The following MACROD2 variants were observed in gnomAD, a reference collection of about 807,000 sequenced individuals.
MACROD2 encodes the protein mono-ADP ribosylhydrolase 2, also known as ADP-ribose glycohydrolase MACROD2.
MACROD2 carries 36 observed loss-of-function variants against 70.4 expected under a neutral mutation model. That is an observed-to-expected ratio of 0.51 (90% CI 0.39 to 0.68). MACROD2 has a LOEUF of 0.68. Among genes scored for constraint, MACROD2 ranks in the 30% least tolerant of loss-of-function variants. The pLI, the probability that MACROD2 is intolerant of heterozygous loss-of-function variation, is 0.00. For synonymous variants in MACROD2, 172 were observed against 178.8 expected, an observed-to-expected ratio of 0.96 and a Z score of 0.30; for missense variants, 496 against 538.4, an observed-to-expected ratio of 0.92 and a Z score of 0.78.
chr20:14,389,472 G>A (rs893619228), intron 3 of MACROD2, among the ~76,000 whole-genome samples: 5 of 149,704 alleles, frequency 3.3e-5, no homozygotes, highest in African/African-American at 1.2e-4. Flanking sequence ...TGCCCAGGCC[G>A]GAGTGCAGTG....
chr20:14,687,666 C>G (rs1448073048), intron 5 of MACROD2, among the ~76,000 whole-genome samples: 2 of 152,166 alleles, frequency 1.3e-5, no homozygotes, highest in African/African-American at 4.8e-5. Context: ...TGAGAGCCGA[C>G]AGATACTCAA....
intron 3 of MACROD2, among the ~76,000 whole-genome samples, chr20:14,232,341 G>T (rs144377138): frequency 1.4e-4 from 22 of 152,322 alleles, no homozygotes; most frequent in Admixed American, 1.2e-3. Context: ...TCGAAGCTAA[G>T]TATTGACTTC....
intron 3 of MACROD2, among the ~76,000 whole-genome samples, chr20:14,470,150 C>A (rs1230401013): frequency 6.6e-6 from 1 of 151,942 alleles, no homozygotes; most frequent in Non-Finnish European, 1.5e-5. Context: ...CATGCTATTC[C>A]TTTCTGTTTG....
At chr20:14,201,061 T>C (rs2081475799) in intron 3 of MACROD2, among the ~76,000 whole-genome samples, 1 of 152,162 alleles carries the variant, frequency 6.6e-6, no homozygotes, top group African/African-American at 2.4e-5. Flanking sequence ...ATTGCTGCTA[T>C]TTACAAAGGC....
chr20:14,465,571 T>C (rs918536661), intron 3 of MACROD2, among the ~76,000 whole-genome samples: 1 of 152,102 alleles, frequency 6.6e-6, no homozygotes, highest in Non-Finnish European at 1.5e-5. Context: ...TTTGATCCTG[T>C]CATTATGATG....
intron 6 of MACROD2, among the ~76,000 whole-genome samples, chr20:15,233,979 T>TTTTATATATA (rs1555795265): frequency 2.0e-5 from 1 of 49,012 alleles, no homozygotes; most frequent in African/African-American, 9.0e-5. Context: ...TTATATATAT[T>TTTTATATATA]TATTTATATA....
At chr20:15,019,574 C>G (rs948839114) in intron 5 of MACROD2, among the ~76,000 whole-genome samples, 6 of 152,218 alleles carry the variant, frequency 3.9e-5, no homozygotes, top group African/African-American at 1.4e-4. Flanking sequence ...GACAGCTTTC[C>G]TTTTTTAATG....
intron 5 of MACROD2, among the ~76,000 whole-genome samples, chr20:15,197,522 G>T (rs2076616387): frequency 6.6e-6 from 1 of 152,148 alleles, no homozygotes. Flanking sequence ...ACAGGAATAA[G>T]ACTACCCACT....
At chr20:14,775,975 TCA>T (rs2072228552) in intron 5 of MACROD2, among the ~76,000 whole-genome samples, 1 of 151,996 alleles carries the variant, frequency 6.6e-6, no homozygotes, top group African/African-American at 2.4e-5. Flanking sequence ...CAAATCTTAG[TCA>T]CAACAAGTCC....
chr20:15,458,638 TTAA>T (rs1354673993), intron 7 of MACROD2, among the ~76,000 whole-genome samples: 2 of 129,974 alleles, frequency 1.5e-5, no homozygotes, highest in African/African-American at 6.1e-5. Flanking sequence ...TTTTTTTTTT[TTAA>T]AAAAAAAAAA....
At chr20:15,711,950 T>C (rs1342461616) in intron 8 of MACROD2, among the ~76,000 whole-genome samples, 4 of 152,156 alleles carry the variant, frequency 2.6e-5, no homozygotes, top group East Asian at 1.9e-4. Flanking sequence ...TTGATTTGAA[T>C]TTTTTTCCCT....
chr20:14,927,665 G>A (rs1294099525), intron 5 of MACROD2, among the ~76,000 whole-genome samples: 5 of 152,096 alleles, frequency 3.3e-5, no homozygotes, highest in African/African-American at 1.2e-4. Context: ...GTCTTCTATA[G>A]TATAGCAATC....
chr20:15,365,617 C>T (rs975589745), intron 6 of MACROD2, among the ~76,000 whole-genome samples: 10 of 151,300 alleles, frequency 6.6e-5, no homozygotes, highest in African/African-American at 2.2e-4. Flanking sequence ...GCCGAGATCG[C>T]ACCACTGCAC....
In MACROD2 at chr20:14,987,399, C is replaced by T. The variant is rs114577060; in HGVS notation, c.419-242541C>T. On this transcript the variant is annotated intron_variant, in intron 5 of 17. Coordinates refer to ENST00000684519, the MANE Select transcript of MACROD2 (RefSeq NM_001351661.2). Reference sequence around the variant, plus strand: ...CTATTATTACTGGGATTGTTGCCGCCGTTGTTATTAAACAACTTGTTCACA... The same window carrying T: ...CTATTATTACTGGGATTGTTGCCGCTGTTGTTATTAAACAACTTGTTCACA... Among the ~76,000 whole-genome samples, 105 of 152,170 alleles carry T rather than the reference C, an allele frequency of 6.9e-4. 1 individual carries two copies. The highest frequency in any genetic ancestry group is 2.4e-3 in the African/African-American group (101 of 41,512).
intron 8 of MACROD2, among the ~76,000 whole-genome samples, chr20:15,637,195 A>C (rs1178436570): frequency 1.4e-5 from 2 of 144,496 alleles, no homozygotes; most frequent in African/African-American, 2.5e-5. Flanking sequence ...CTAGACTTAC[A>C]TCCTGGTCCT....
At chr20:15,481,056 C>T (rs1044237349) in intron 7 of MACROD2, among the ~76,000 whole-genome samples, 9 of 152,180 alleles carry the variant, frequency 5.9e-5, no homozygotes, top group Admixed American at 5.9e-4. Context: ...CTTTCTCTAA[C>T]CATAGCATTC....
intron 6 of MACROD2, among the ~76,000 whole-genome samples, chr20:15,233,215 A>G (rs185345620): frequency 1.7e-3 from 264 of 152,296 alleles, no homozygotes; most frequent in South Asian, 0.017. Flanking sequence ...TTCCTTTAAA[A>G]TGCAGATACT....
intron 3 of MACROD2, among the ~76,000 whole-genome samples, chr20:14,101,906 TTTC>T (rs914455743): frequency 3.3e-5 from 5 of 152,070 alleles, no homozygotes; most frequent in South Asian, 2.1e-4. Context: ...TTTGTGTTTT[TTTC>T]TTCTTGTTGA....
intron 4 of MACROD2, among the ~76,000 whole-genome samples, chr20:14,612,576 A>G (rs1401569039): frequency 6.6e-6 from 1 of 152,102 alleles, no homozygotes; most frequent in African/African-American, 2.4e-5. Context: ...TAAGATTGCA[A>G]AATGTTGCAT....
Sources: gnomAD v4.1 joint callset for allele counts (sites outside exome capture counted in the v4.1 genomes callset) on GRCh38, gnomAD v4.1.1 for gene constraint, MANE v1.5 for transcripts, NCBI Gene and HGNC (gene_info 2026-07-23, HGNC 2026-07-21) for gene names.